Variants in PDZD2 observed in about 807,000 individuals in gnomAD.
PDZD2 encodes PDZ domain-containing protein 2.
In PDZD2, 90 loss-of-function variants were observed where a neutral mutation model predicts 220.7. The ratio of observed to expected loss-of-function variants is 0.41; its 90% CI spans 0.34 to 0.49. The LOEUF (loss-of-function observed/expected upper bound fraction) is 0.49. Among genes scored for constraint, PDZD2 ranks in the 20% least tolerant of loss-of-function variants. The probability of loss-of-function intolerance (pLI) is 0.28; values close to 1 mark genes in which losing one functional copy is unlikely to be tolerated. For synonymous variants in PDZD2, 1,375 were observed against 1,450.5 expected (o/e 0.95, Z 1.18); for missense variants, 3,174 against 3,608.5 (o/e 0.88, Z 3.08).
intron 1 of PDZD2, among the ~76,000 whole-genome samples, chr5:31,797,518 A>G (rs569180864): frequency 6.6e-6 from 1 of 151,848 alleles, no homozygotes; most frequent in East Asian, 2.0e-4. Context: ...TATTTTTAGT[A>G]GAGATGGGGT....
intron 2 of PDZD2, among the ~76,000 whole-genome samples, chr5:31,941,465 T>G (rs182640772): frequency 6.6e-6 from 1 of 152,356 alleles, no homozygotes; most frequent in Admixed American, 6.5e-5. Context: ...ATCTAAGTGC[T>G]GCAGGAAAGA....
At chr5:31,735,267 A>G (rs16901497) in intron 1 of PDZD2, among the ~76,000 whole-genome samples, 3,542 of 152,260 alleles carry the variant, frequency 0.023, 135 homozygotes, top group African/African-American at 0.081. Flanking sequence ...CAGCTCACGC[A>G]CTATTTTTGC....
chr5:32,007,490 C>T (rs1342266033), intron 5 of PDZD2, among the ~76,000 whole-genome samples: 1 of 151,832 alleles, frequency 6.6e-6, no homozygotes, highest in Admixed American at 6.6e-5. Context: ...TAGATAAGGC[C>T]TAACAATATA....
chr5:31,661,536 G>T (rs2150112016), intron 1 of PDZD2: 1 of 152,274 alleles, frequency 6.6e-6, no homozygotes. Context: ...CCTGTGAGTG[G>T]TTATTTTTAT....
intron 21 of PDZD2, among the ~76,000 whole-genome samples, chr5:32,095,566 G>A (rs1043183655): frequency 2.0e-5 from 3 of 152,234 alleles, no homozygotes; most frequent in Admixed American, 6.5e-5. Context: ...TGATCTGGCC[G>A]CCCTGAGACT....
intron 1 of PDZD2, among the ~76,000 whole-genome samples, chr5:31,714,785 G>A (rs446914): frequency 0.75 from 114,723 of 151,990 alleles, 43,452 homozygotes; most frequent in East Asian, 0.93. Context: ...GGGGCCAGGC[G>A]CAGTTGCTCA....
intron 19 of PDZD2, among the ~76,000 whole-genome samples, chr5:32,086,058 A>T (rs981727183): frequency 2.6e-5 from 4 of 152,008 alleles, no homozygotes; most frequent in Non-Finnish European, 4.4e-5. Flanking sequence ...TCTTCCTGGG[A>T]TAATCTGGCT....
At position 32,079,279 on chromosome 5, in the gene PDZD2, AC is replaced by A. The variant is rs370221330; in HGVS notation, c.3682+1674del. 4.4e-4 allele frequency among the ~76,000 whole-genome samples: 63 copies of A among 144,570 alleles called. 1 individual carries two copies. Among genetic ancestry groups the A allele is most frequent in the African/African-American group, 1.6e-3 (56 of 35,870 alleles). 94.8% of individuals were successfully genotyped at this position (144,570 alleles called of 152,430 possible). A position where few individuals can be genotyped will look rare whatever the true frequency, so the allele number is the denominator to read the frequency against. ...GTCTCAAAAAAAAAACAAAAAAAAA[AC>A]AAAAAAAAAAAAGGAAATCTGGATT... is the stretch of plus-strand genomic sequence containing the variant. On this transcript the variant is annotated intron_variant, in intron 19 of 24. Transcript: ENST00000438447.
intron 2 of PDZD2, among the ~76,000 whole-genome samples, chr5:31,888,669 T>A (rs899672461): frequency 1.3e-5 from 2 of 152,176 alleles, no homozygotes; most frequent in African/African-American, 4.8e-5. Flanking sequence ...CCTTACTATG[T>A]CCTAAACACA....
chr5:32,089,306 C>T lies in PDZD2; in HGVS notation c.5858C>T (p.Ser1953Phe), dbSNP rs1257429209. The T allele has an allele frequency of 1.9e-6, 3 of 1,613,856 alleles. No individual in the cohort carries two copies. The highest frequency in any genetic ancestry group is 1.7e-6 in the Non-Finnish European group (2 of 1,179,948). ...PDRNTTAAPR[S>F]PQCVLESKPP... ...AGAAACACCACAGCTGCCCCCAGGTCCCCCCAGTGTGTGCTGGAAAGCAAG... is the reference window on the plus strand; with the variant it reads ...AGAAACACCACAGCTGCCCCCAGGTTCCCCCAGTGTGTGCTGGAAAGCAAG... The change falls in exon 20 of 25, where the codon TCC becomes TTC. Residue 1953 changes from serine to phenylalanine, a missense_variant. Physicochemically the swap from Ser to Phe is radical, Grantham distance 155 (BLOSUM62 -2). Coordinates refer to ENST00000438447, the MANE Select transcript of PDZD2 (RefSeq NM_178140.4).
rs545560018 is a variant in PDZD2 at position 31,987,750 on chromosome 5, G to A, written c.978+4094G>A. ...TCCCCAAAGTTTGCCCAAGCTGGAAGTTTGATGAGATTCATTGGGGGTGAC... is the reference window on the plus strand; with the variant it reads ...TCCCCAAAGTTTGCCCAAGCTGGAAATTTGATGAGATTCATTGGGGGTGAC... On this transcript the variant is annotated intron_variant, in intron 3 of 24. Transcript: ENST00000438447. Among the ~76,000 whole-genome samples the A allele has an allele frequency of 6.6e-4, 101 of 152,336 alleles. 1 individual carries two copies. The highest frequency in any genetic ancestry group is 1.1e-3 in the Non-Finnish European group (72 of 68,036).
chr5:31,911,425 A>G (rs1561054469), intron 2 of PDZD2, among the ~76,000 whole-genome samples: 2 of 152,216 alleles, frequency 1.3e-5, no homozygotes, highest in African/African-American at 4.8e-5. Flanking sequence ...TGTTCTGTGG[A>G]TGCCACCATG....
Position 32,073,876 on chromosome 5 carries a change from CT to C in PDZD2, c.2772del (p.Ser926AlafsTer12). 1 of 1,614,090 alleles carries C rather than the reference CT, an allele frequency of 6.2e-7. No homozygotes were observed. The part of the protein sequence containing the change: ...GKPRANSLVT[L>X]GSHRASGLFH... ...ACCCAGAGCCAACAGCCTCGTGACT[CT>C]TGGGAGCCATCGGGCTTCTGGGCTC... On this transcript the variant is annotated frameshift_variant, in exon 18 of 25. Coordinates refer to ENST00000438447, the MANE Select transcript of PDZD2 (RefSeq NM_178140.4). LOFTEE classifies it high-confidence loss of function.
chr5:32,021,295 C>T (rs1388518500), intron 6 of PDZD2, among the ~76,000 whole-genome samples: 3 of 151,774 alleles, frequency 2.0e-5, no homozygotes, highest in East Asian at 1.9e-4. Context: ...GAGACAGCCT[C>T]GCTCTGTCAC....
chr5:32,092,228 C>T (rs776115077), intron 20 of PDZD2, among the ~76,000 whole-genome samples: 2 of 148,276 alleles, frequency 1.3e-5, no homozygotes, highest in African/African-American at 5.0e-5. Flanking sequence ...GAGCTGAGAT[C>T]GCGTCACTGC....
Position 32,059,297 on chromosome 5 carries a change from T to C in PDZD2, c.2259T>C (p.Pro753=), listed in dbSNP as rs374118212. ...GCTTGGCTCTGGAAAACAGTCCTCC[T>C]GGCATCTACATTCACAGCCTTGCTC... The part of the protein sequence containing the change: ...ACCLALENSP[P]GIYIHSLAPG... The change falls in exon 13 of 25, where the codon CCT becomes CCC. Residue 753 remains proline, a synonymous_variant. Transcript: ENST00000438447. 23 of 1,613,854 alleles carry C rather than the reference T, an allele frequency of 1.4e-5. No individual in the cohort carries two copies. Among genetic ancestry groups the C allele is most frequent in the Non-Finnish European group, 1.9e-5 (22 of 1,179,722 alleles).
At chr5:32,086,561 C>T (rs937988049) in intron 19 of PDZD2, among the ~76,000 whole-genome samples, 2 of 152,098 alleles carry the variant, frequency 1.3e-5, no homozygotes, top group East Asian at 3.8e-4. Flanking sequence ...TCTCTTAGAG[C>T]GTCTAAAGCA....
Position 32,101,092 on chromosome 5 carries a change from G to T in PDZD2, c.8219-13G>T, listed in dbSNP as rs148982909. ...CCCTGTCATTTTCATCTTGGTGCACGCTGCGGCTGCAGGGAGAAGTGTGGC... is the reference window on the plus strand; with the variant it reads ...CCCTGTCATTTTCATCTTGGTGCACTCTGCGGCTGCAGGGAGAAGTGTGGC... On this transcript the variant is annotated splice_polypyrimidine_tract_variant and intron_variant, in intron 23 of 24. Coordinates refer to ENST00000438447, the MANE Select transcript of PDZD2 (RefSeq NM_178140.4). The T allele has an allele frequency of 6.2e-6, 10 of 1,614,034 alleles. No individual in the cohort carries two copies. The African/African-American group carries it at 1.1e-4, about 17-fold the overall frequency.
intron 1 of PDZD2, among the ~76,000 whole-genome samples, chr5:31,680,711 G>A (rs895873746): frequency 7.9e-5 from 12 of 152,074 alleles, no homozygotes; most frequent in Non-Finnish European, 8.8e-5. Flanking sequence ...TCGTCAGGAC[G>A]TGCGAGCTTA....
Sources: gnomAD v4.1 joint callset for allele counts (sites outside exome capture counted in the v4.1 genomes callset) on GRCh38, gnomAD v4.1.1 for gene constraint, MANE v1.5 for transcripts, NCBI Gene and HGNC (gene_info 2026-07-23, HGNC 2026-07-21) for gene names.